Variants in RASSF5 observed in about 807,000 individuals in gnomAD.
RASSF5 encodes ras association domain-containing protein 5.
In RASSF5, 25 loss-of-function variants were observed where a neutral mutation model predicts 40.5. The ratio of observed to expected loss-of-function variants is 0.62; its 90% CI spans 0.45 to 0.86. The LOEUF is 0.86. Ranked by LOEUF, RASSF5 falls within the 40% of genes least tolerant of loss-of-function variation. RASSF5 has a pLI of 0.00. For missense variants in RASSF5, 521 were observed against 572.8 expected (o/e 0.91, Z 0.92); for synonymous variants, 246 against 252.4 (o/e 0.97, Z 0.24).
At chr1:206,509,016 C>T (rs537608247) in intron 1 of RASSF5, among the ~76,000 whole-genome samples, 1 of 150,188 alleles carries the variant, frequency 6.7e-6, no homozygotes, top group South Asian at 2.2e-4. Context: ...GCGTGTTTAT[C>T]AGAGGATATC....
At chr1:206,563,676 C>T (rs572510661) in intron 2 of RASSF5, among the ~76,000 whole-genome samples, 1 of 152,282 alleles carries the variant, frequency 6.6e-6, no homozygotes, top group African/African-American at 2.4e-5. Context: ...CCAGGTGATT[C>T]TCATATATGC....
intron 1 of RASSF5, among the ~76,000 whole-genome samples, chr1:206,521,175 G>C (rs1293360477): frequency 6.6e-6 from 1 of 151,666 alleles, no homozygotes; most frequent in African/African-American, 2.4e-5. Context: ...AAGGCTGCTA[G>C]GGGGGTCTGT....
At position 206,518,417 on chromosome 1, in the gene RASSF5, C is replaced by T. The variant is rs909403556; in HGVS notation, c.457+10358C>T. ...CCGAGGGCCAGGAGGAGAAGGCAAC[C>T]GCTGCCTGCTTTGGGACAGTCACTG... is the stretch of plus-strand genomic sequence containing the variant. On this transcript the variant is annotated intron_variant, in intron 1 of 5. Coordinates refer to ENST00000579436, the MANE Select transcript of RASSF5 (RefSeq NM_182663.4). 1.1e-4 allele frequency: 43 copies of T among 398,700 alleles called. 1 individual carries two copies. The highest frequency in any genetic ancestry group is 1.8e-4 in the Admixed American group (4 of 22,742). The allele number at this position is 398,700 out of a possible 1,614,324, so 24.7% of individuals were successfully genotyped here.
chr1:206,540,265 C>T (rs1308294242), intron 2 of RASSF5, among the ~76,000 whole-genome samples: 3 of 152,226 alleles, frequency 2.0e-5, no homozygotes, highest in Non-Finnish European at 4.4e-5. Flanking sequence ...GCAAAAGGCC[C>T]AGGGAAGGCC....
chr1:206,568,987 C>T (rs887742614), intron 2 of RASSF5, among the ~76,000 whole-genome samples: 5 of 152,198 alleles, frequency 3.3e-5, no homozygotes, highest in African/African-American at 1.2e-4. Context: ...GCTGGAAAGC[C>T]AGATGTTGAC....
At chr1:206,547,328 G>C (rs943241829) in intron 2 of RASSF5, among the ~76,000 whole-genome samples, 1 of 152,004 alleles carries the variant, frequency 6.6e-6, no homozygotes, top group Admixed American at 6.6e-5. Context: ...CGCTTCATCT[G>C]TATTTACAGC....
intron 2 of RASSF5, among the ~76,000 whole-genome samples, chr1:206,568,590 G>T (rs1553403725): frequency 6.6e-6 from 1 of 152,158 alleles, no homozygotes; most frequent in African/African-American, 2.4e-5. Flanking sequence ...TCATTTATGA[G>T]GCTGAATGCC....
At position 206,535,711 on chromosome 1, in the gene RASSF5, GTGTGGTGT is replaced by G. The variant is rs1414849506; in HGVS notation, c.458-2460_458-2453del. Among the ~76,000 whole-genome samples, 8 of 75,186 alleles carry G rather than the reference GTGTGGTGT, an allele frequency of 1.1e-4. No individual in the cohort carries two copies. Among genetic ancestry groups the G allele is most frequent in the Admixed American group, 4.3e-4 (3 of 7,002 alleles). 49.3% of individuals were successfully genotyped at this position (75,186 alleles called of 152,430 possible). On this transcript the variant is annotated intron_variant, in intron 1 of 5. Transcript: ENST00000579436. The surrounding 1 kb of genome is among the most constrained non-coding windows in gnomAD (Gnocchi z 5.0). Reference sequence around the variant, plus strand: ...TGTGTGTGTGTGTGTGTCTGTGTGTGTGTGGTGTGTGTGTGTGTGTGTGTGTGTGTGTG... The same window carrying G: ...TGTGTGTGTGTGTGTGTCTGTGTGTGGTGTGTGTGTGTGTGTGTGTGTGTG...
At chr1:206,567,977 G>T (rs1160599310) in intron 2 of RASSF5, among the ~76,000 whole-genome samples, 2 of 152,126 alleles carry the variant, frequency 1.3e-5, no homozygotes, top group Non-Finnish European at 2.9e-5. Context: ...CCTGAAGTTG[G>T]ACCCAAGTAA....
At chr1:206,508,452 T>G (rs1666527481) in intron 1 of RASSF5, among the ~76,000 whole-genome samples, 1 of 151,680 alleles carries the variant, frequency 6.6e-6, no homozygotes, top group South Asian at 2.1e-4. Flanking sequence ...TTCTTGGGAG[T>G]GGGTTGTGAG....
In RASSF5 at chr1:206,515,253, G is replaced by C. The variant is rs146049925; in HGVS notation, c.457+7194G>C. ...GAATCAGCCAGGGCTGGGTAATTGA[G>C]AGTTGGCTCCACTTAAGCCAATTTT... is the stretch of plus-strand genomic sequence containing the variant. On this transcript the variant is annotated intron_variant, in intron 1 of 5. Transcript: ENST00000579436. 1.5e-4 allele frequency among the ~76,000 whole-genome samples: 23 copies of C among 152,338 alleles called. No homozygotes were observed. The East Asian group carries it at 3.9e-3, about 26-fold the overall frequency.
At chr1:206,537,633 C>T (rs1322237659) in intron 1 of RASSF5, among the ~76,000 whole-genome samples, 2 of 152,082 alleles carry the variant, frequency 1.3e-5, no homozygotes, top group African/African-American at 2.4e-5. Context: ...ATCAAAAATC[C>T]GAATTGCTCC....
intron 2 of RASSF5, among the ~76,000 whole-genome samples, chr1:206,574,455 C>T (rs983160716): frequency 6.6e-5 from 10 of 152,202 alleles, no homozygotes; most frequent in African/African-American, 2.4e-4. Flanking sequence ...TTGACATTGA[C>T]CATCTGCTCT....
rs184452806 is a variant in RASSF5, at chr1:206,584,211, C to T, written c.691-176C>T. ...GTAGCTGGATCCTGAGGGTCTTCTC[C>T]CAGCCCACTATGGGGAAAGGGATCT... On this transcript the variant is annotated intron_variant, in intron 3 of 5. Transcript: ENST00000579436. The surrounding 1 kb of genome is among the most constrained non-coding windows in gnomAD (Gnocchi z 4.9). Among the ~76,000 whole-genome samples the T allele has an allele frequency of 6.6e-4, 100 of 152,326 alleles. No homozygotes were observed. Among genetic ancestry groups the T allele is most frequent in the Non-Finnish European group, 1.2e-3 (79 of 68,028 alleles).
chr1:206,547,463 T>C (rs1220913126), intron 2 of RASSF5, among the ~76,000 whole-genome samples: 1 of 151,640 alleles, frequency 6.6e-6, no homozygotes, highest in African/African-American at 2.4e-5. Flanking sequence ...GGTTGCGTGC[T>C]CCTTATGAGA....
chr1:206,581,148 C>A (rs1553406221), intron 2 of RASSF5: 4 of 152,214 alleles, frequency 2.6e-5, no homozygotes, highest in African/African-American at 4.8e-5. Flanking sequence ...TTAAACTCAG[C>A]CTCAGTTTTG....
chr1:206,546,591 A>T (rs554225603), intron 2 of RASSF5, among the ~76,000 whole-genome samples: 2 of 152,304 alleles, frequency 1.3e-5, no homozygotes, highest in African/African-American at 2.4e-5. Flanking sequence ...TACAGTATAT[A>T]AATGGTCCTT....
rs557004600 is a variant in RASSF5, at chr1:206,535,054, A to C, written c.458-3118A>C. On this transcript the variant is annotated intron_variant, in intron 1 of 5. Transcript: ENST00000579436. The surrounding 1 kb of genome is among the most constrained non-coding windows in gnomAD (Gnocchi z 5.0). ...GAGACCAGCCTGGGAAAAATGGTGA[A>C]ACCCTTTTTTAATTAGCCAGGTGCA... Among the ~76,000 whole-genome samples, 1 of 152,216 alleles carries C rather than the reference A, an allele frequency of 6.6e-6. No individual in the cohort carries two copies. The highest frequency in any genetic ancestry group is 1.9e-4 in the East Asian group (1 of 5,180).
chr1:206,528,782 A>C (rs1667161406), intron 1 of RASSF5: 1 of 344,376 alleles, frequency 2.9e-6, no homozygotes, highest in East Asian at 4.8e-5. Context: ...TCACACCTGT[A>C]ATCCTAGCAC....
Sources: gnomAD v4.1 joint callset for allele counts (sites outside exome capture counted in the v4.1 genomes callset) on GRCh38, gnomAD v4.1.1 for gene constraint, Gnocchi (gnomAD v3.1) non-coding constraint, MANE v1.5 for transcripts, NCBI Gene and HGNC (gene_info 2026-07-23, HGNC 2026-07-21) for gene names.